The following SLCO1B1 variants were observed in gnomAD, a reference collection of about 807,000 sequenced individuals.
The protein encoded by SLCO1B1 is solute carrier organic anion transporter family member 1B1.
Under a neutral mutation model 70.1 loss-of-function variants are expected in SLCO1B1, and 81 were observed. The ratio of observed to expected loss-of-function variants is 1.16; its 90% CI spans 0.97 to 1.39. The LOEUF (loss-of-function observed/expected upper bound fraction) is 1.39. Ranked by LOEUF, SLCO1B1 falls within the 40% of genes most tolerant of loss-of-function variation. The probability of loss-of-function intolerance (pLI) is 0.00; values close to 1 mark genes in which losing one functional copy is unlikely to be tolerated. For synonymous variants in SLCO1B1, 283 were observed against 271.5 expected (o/e 1.04, Z -0.42); for missense variants, 895 against 799.6 (o/e 1.12, Z -1.44).
intron 1 of SLCO1B1, among the ~76,000 whole-genome samples, chr12:21,136,494 A>T (rs144019429): frequency 0.021 from 3,194 of 152,074 alleles, 53 homozygotes; most frequent in Non-Finnish European, 0.03. Context: ...TGGTCTTTTC[A>T]CATAGTCCCA....
intron 7 of SLCO1B1, among the ~76,000 whole-genome samples, chr12:21,186,556 T>A (rs58712885): frequency 0.062 from 9,353 of 152,064 alleles, 558 homozygotes; most frequent in East Asian, 0.33. Flanking sequence ...CTGAGAAAAG[T>A]CACGACATTA....
chr12:21,192,779 A>C (rs542845742), intron 7 of SLCO1B1, among the ~76,000 whole-genome samples: 19 of 152,184 alleles, frequency 1.2e-4, no homozygotes, highest in African/African-American at 4.6e-4. Context: ...GTGACCATAA[A>C]TTAGAGAAAT....
intron 11 of SLCO1B1, among the ~76,000 whole-genome samples, chr12:21,207,899 T>C (rs184148556): frequency 6.6e-6 from 1 of 152,196 alleles, no homozygotes; most frequent in Admixed American, 6.6e-5. Context: ...TGATTAGTGA[T>C]GTTAAACATT....
chr12:21,200,564 CT>C lies in SLCO1B1; in HGVS notation c.1031del (p.Leu344Ter). 1 of 1,606,712 alleles carries C rather than the reference CT, an allele frequency of 6.2e-7. No individual in the cohort carries two copies. The highest frequency in any genetic ancestry group is 2.2e-5 in the East Asian group (1 of 44,572). ...TAATCCCCTGTATGTTATGTTTGTG[CT>C]TTTGACGTTGTTACAAGTAAGCAGC... ...LTNPLYVMFV[L>X]LTLLQVSSYI... On this transcript the variant is annotated frameshift_variant, in exon 9 of 15. Transcript: ENST00000256958. LOFTEE classifies it high-confidence loss of function.
rs112297015 is a variant in SLCO1B1 at position 21,141,721 on chromosome 12, A to G, written c.84+63A>G. ...AATAGGGAACTTTAATGTATAGAAA[A>G]GCAAGTTGTTAAAAAGAACATTATG... is the stretch of plus-strand genomic sequence containing the variant. On this transcript the variant is annotated intron_variant, in intron 2 of 14. Coordinates refer to ENST00000256958, the MANE Select transcript of SLCO1B1 (RefSeq NM_006446.5). 1.4e-4 allele frequency: 140 copies of G among 985,818 alleles called. 4 individuals are homozygous for G. The highest frequency in any genetic ancestry group is 1.1e-3 in the Middle Eastern group (5 of 4,376). 61.1% of individuals were successfully genotyped at this position (985,818 alleles called of 1,614,324 possible).
At chr12:21,192,977 G>A (rs979355864) in intron 7 of SLCO1B1, among the ~76,000 whole-genome samples, 6 of 151,936 alleles carry the variant, frequency 3.9e-5, no homozygotes, top group East Asian at 3.9e-4. Context: ...TTATTGAAAA[G>A]TTTGTTAGTA....
intron 7 of SLCO1B1, among the ~76,000 whole-genome samples, chr12:21,185,927 T>C (rs75208022): frequency 0.1 from 15,267 of 151,988 alleles, 1,059 homozygotes; most frequent in African/African-American, 0.2. Context: ...AATGCCCCTC[T>C]GCACACAAAT....
chr12:21,234,921 T>A (rs954299151), intron 14 of SLCO1B1, among the ~76,000 whole-genome samples: 4 of 152,166 alleles, frequency 2.6e-5, no homozygotes, highest in African/African-American at 7.2e-5. Flanking sequence ...GTTATAACTC[T>A]GATTTTTTAA....
At position 21,134,002 on chromosome 12, in the gene SLCO1B1, A is replaced by G. The variant is rs183321515; in HGVS notation, c.-62+2766A>G. On this transcript the variant is annotated intron_variant, in intron 1 of 14. Coordinates refer to ENST00000256958, the MANE Select transcript of SLCO1B1 (RefSeq NM_006446.5). ...GATAGCTCTTATTATTTTGAGATAC[A>G]TCCCATCAATACCTAATTTATTGAG... Among the ~76,000 whole-genome samples the G allele has an allele frequency of 8.8e-3, 1,332 of 152,188 alleles. 23 individuals carry two copies. Among genetic ancestry groups the G allele is most frequent in the African/African-American group, 0.03 (1,260 of 41,540 alleles).
chr12:21,135,515 C>T (rs1374283414), intron 1 of SLCO1B1, among the ~76,000 whole-genome samples: 3 of 152,128 alleles, frequency 2.0e-5, no homozygotes, highest in African/African-American at 7.2e-5. Context: ...AATCTGGGTG[C>T]TCCTGTATTG....
At chr12:21,182,284 G>A (rs1278160311) in intron 7 of SLCO1B1, among the ~76,000 whole-genome samples, 2 of 152,104 alleles carry the variant, frequency 1.3e-5, no homozygotes, top group African/African-American at 2.4e-5. Context: ...GAGAACCCAC[G>A]ACCCCCAGAG....
chr12:21,148,887 C>A (rs754822134), intron 2 of SLCO1B1, among the ~76,000 whole-genome samples: 6 of 152,044 alleles, frequency 3.9e-5, no homozygotes, highest in Non-Finnish European at 7.4e-5. Flanking sequence ...TTTGTGTCCT[C>A]TCTTATTTCA....
Position 21,178,958 on chromosome 12 carries a change from T to C in SLCO1B1, c.665T>C (p.Ile222Thr), listed in dbSNP as rs1222848791. The change falls in exon 7 of 15, where the codon ATT (isoleucine) becomes ACT (threonine). Residue 222 changes from isoleucine to threonine, a missense_variant. Ile to Thr is a moderately conservative substitution (Grantham distance 89). Coordinates refer to ENST00000256958, the MANE Select transcript of SLCO1B1 (RefSeq NM_006446.5). Reference sequence around the variant, plus strand: ...GCAATAGCAATGATTGGTCCAATCATTGGCTTTACCCTGGGATCTCTGTTT... The same window carrying C: ...GCAATAGCAATGATTGGTCCAATCACTGGCTTTACCCTGGGATCTCTGTTT... Reference protein sequence around the residue: ...LNAIAMIGPIIGFTLGSLFSK... With the variant: ...LNAIAMIGPITGFTLGSLFSK... 1.2e-6 allele frequency: 2 copies of C among 1,612,364 alleles called. No individual in the cohort carries two copies. The highest frequency in any genetic ancestry group is 1.3e-5 in the African/African-American group (1 of 74,892).
intron 9 of SLCO1B1, 84 bp downstream of exon 9, chr12:21,200,756 G>T: frequency 8.3e-7 from 1 of 1,210,672 alleles, no homozygotes; most frequent in East Asian, 2.5e-5. Flanking sequence ...TTGTGAAAGT[G>T]ATTTTGTATT....
chr12:21,204,330 T>A, intron 10 of SLCO1B1, among the ~76,000 whole-genome samples: 1 of 152,084 alleles, frequency 6.6e-6, no homozygotes, highest in African/African-American at 2.4e-5. Flanking sequence ...CAAGGTATGT[T>A]ATTAATTCAT....
At chr12:21,238,478 T>G (rs748024749) in intron 14 of SLCO1B1, among the ~76,000 whole-genome samples, 9 of 152,138 alleles carry the variant, frequency 5.9e-5, no homozygotes, top group Non-Finnish European at 1.0e-4. Flanking sequence ...TATGTTTTTT[T>G]TTTCACTTTT....
At chr12:21,214,639 A>G in intron 11 of SLCO1B1, among the ~76,000 whole-genome samples, 1 of 150,942 alleles carries the variant, frequency 6.6e-6, no homozygotes, top group East Asian at 2.0e-4. Flanking sequence ...AGCCTGGGCA[A>G]TGGCGGGCGC....
At chr12:21,179,102 C>G in intron 7 of SLCO1B1, 82 bp downstream of exon 7, 1 of 854,082 alleles carries the variant, frequency 1.2e-6, no homozygotes, top group Admixed American at 1.7e-5. Context: ...TAACTGAATT[C>G]ACTCTTTCAA....
chr12:21,188,777 C>T (rs1176762262), intron 7 of SLCO1B1, among the ~76,000 whole-genome samples: 1 of 152,126 alleles, frequency 6.6e-6, no homozygotes, highest in East Asian at 1.9e-4. Flanking sequence ...CCCTGCTTCC[C>T]CTTCCCCTTA....
Sources: allele counts gnomAD v4.1 joint callset (sites outside exome capture counted in the v4.1 genomes callset), GRCh38; gene constraint gnomAD v4.1.1; transcripts MANE v1.5; gene names NCBI Gene and HGNC (gene_info 2026-07-23, HGNC 2026-07-21).